Variants in ZNF207 observed in about 807,000 individuals in gnomAD.
The protein encoded by ZNF207 is BUB3-interacting and GLEBS motif-containing protein ZNF207.
Under a neutral mutation model 60.2 loss-of-function variants are expected in ZNF207, and 24 were observed. The observed-to-expected ratio is 0.40, with a 90% CI of 0.29 to 0.56. The LOEUF (loss-of-function observed/expected upper bound fraction) is 0.56, where lower values mean the gene tolerates loss of function less well. Among genes scored for constraint, ZNF207 ranks in the 20% least tolerant of loss-of-function variants. The pLI, the probability that ZNF207 is intolerant of heterozygous loss-of-function variation, is 0.49. For synonymous variants in ZNF207, 236 were observed against 194.7 expected (o/e 1.21, Z -1.77); for missense variants, 452 against 636.6 (o/e 0.71, Z 3.12).
chr17:32,368,078 T>G, intron 10 of ZNF207, 64 bp downstream of exon 10: 1 of 1,588,844 alleles, frequency 6.3e-7, no homozygotes, highest in Non-Finnish European at 8.6e-7. Flanking sequence ...AGTTCGTCCC[T>G]TTAAAATAAG....
chr17:32,356,823 C>T (rs1029069523), intron 2 of ZNF207, among the ~76,000 whole-genome samples: 2 of 152,046 alleles, frequency 1.3e-5, no homozygotes, highest in African/African-American at 2.4e-5. Flanking sequence ...ATTAGAAGCG[C>T]TTATGTAGCA....
intron 3 of ZNF207, among the ~76,000 whole-genome samples, chr17:32,358,997 A>G (rs1475420332): frequency 6.6e-6 from 1 of 151,998 alleles, no homozygotes; most frequent in East Asian, 1.9e-4. Flanking sequence ...ACGGGGTTTT[A>G]CCATGTTGGT....
Position 32,369,689 on chromosome 17 carries a change from AC to A in ZNF207, c.1417del (p.Gln473ArgfsTer11). 6.3e-7 allele frequency: 1 copy of A among 1,597,512 alleles called. No individual in the cohort carries two copies. The highest frequency in any genetic ancestry group is 8.5e-7 in the Non-Finnish European group (1 of 1,172,886). ...YGQGPPMVPP[Y>X]QGGPPRPPMG... ...CAGGGACCGCCAATGGTGCCCCCTT[AC>A]CAGGGTGGGCCTCCTCGACCTCCGA... On this transcript the variant is annotated frameshift_variant, in exon 12 of 12. Coordinates refer to ENST00000394670, the MANE Select transcript of ZNF207 (RefSeq NM_001098507.2). LOFTEE classifies it high-confidence loss of function.
chr17:32,363,013 T>G, intron 7 of ZNF207, 29 bp downstream of exon 7: 2 of 1,594,712 alleles, frequency 1.3e-6, no homozygotes, highest in East Asian at 2.2e-5. Flanking sequence ...CATTTTAATA[T>G]GATGTACAGG....
At chr17:32,360,553 T>C (rs770927962) in intron 3 of ZNF207, 45 bp from the exon 4 acceptor site, 186 of 1,523,548 alleles carry the variant, frequency 1.2e-4, no homozygotes, top group Non-Finnish European at 1.1e-4. Flanking sequence ...GTAAATAAAC[T>C]TTCTTAGTTT....
intron 9 of ZNF207, 51 bp downstream of exon 9, chr17:32,366,808 C>A (rs1298211430): frequency 1.4e-6 from 2 of 1,445,420 alleles, no homozygotes; most frequent in African/African-American, 2.9e-5. Flanking sequence ...TATAACTTAA[C>A]CCTTTGGACC....
Position 32,381,041 on chromosome 17 carries a change from A to G in ZNF207, c.*11282A>G, listed in dbSNP as rs1269991766. On this transcript the variant is annotated 3_prime_UTR_variant, in exon 12 of 12. Transcript: ENST00000394670. ...TCTATTAATAATAAAGTGATAATAA[A>G]TGAAGGTTAAAGTCAAGTGTTCAAT... 1 of 152,186 alleles carries G rather than the reference A, an allele frequency of 6.6e-6. No homozygotes were observed. The highest frequency in any genetic ancestry group is 2.4e-5 in the African/African-American group (1 of 41,446). The allele number at this position is 152,186 out of a possible 1,614,324, so 9.4% of individuals were successfully genotyped here. A position where few individuals can be genotyped will look rare whatever the true frequency, so the allele number is the denominator to read the frequency against.
intron 2 of ZNF207, among the ~76,000 whole-genome samples, chr17:32,357,700 T>C (rs565531172): frequency 6.6e-6 from 1 of 152,132 alleles, no homozygotes; most frequent in Non-Finnish European, 1.5e-5. Flanking sequence ...CTGCCCAGGC[T>C]GGAGTGCTCA....
At chr17:32,361,646 A>AATT in intron 6 of ZNF207, 131 bp downstream of exon 6, 1 of 712,870 alleles carries the variant, frequency 1.4e-6, no homozygotes. Flanking sequence ...CTTGCAAGCT[A>AATT]ATTAACACAG....
rs1905791607 is a variant in ZNF207, at chr17:32,379,239, TATA to T, written c.*9483_*9485del. The T allele has an allele frequency of 6.6e-6, 1 of 152,088 alleles. No individual in the cohort carries two copies. Among genetic ancestry groups the T allele is most frequent in the Non-Finnish European group, 1.5e-5 (1 of 67,962 alleles). The allele number at this position is 152,088 out of a possible 1,614,324, so 9.4% of individuals were successfully genotyped here. On this transcript the variant is annotated 3_prime_UTR_variant, in exon 12 of 12. Coordinates refer to ENST00000394670, the MANE Select transcript of ZNF207 (RefSeq NM_001098507.2). ...AGTACTGTTTTATACTTTTATATAT[TATA>T]ATTTTATCTTCTAAAATTAACTGAA...
intron 7 of ZNF207, among the ~76,000 whole-genome samples, chr17:32,364,305 A>G (rs1053795468): frequency 1.3e-5 from 2 of 151,872 alleles, no homozygotes; most frequent in African/African-American, 4.8e-5. Flanking sequence ...GCACAAGGAA[A>G]GGGATTTGGT....
chr17:32,360,485 G>A (rs914657214), intron 3 of ZNF207, 113 bp from the exon 4 acceptor site: 2 of 1,057,622 alleles, frequency 1.9e-6, no homozygotes, highest in Non-Finnish European at 2.7e-6. Flanking sequence ...AATTTTTGGG[G>A]AAGAAAAATC....
At chr17:32,362,437 A>G (rs570610114) in intron 6 of ZNF207, among the ~76,000 whole-genome samples, 2 of 152,356 alleles carry the variant, frequency 1.3e-5, no homozygotes, top group South Asian at 4.1e-4. Flanking sequence ...TTCTGGGATT[A>G]TAGGCATGAG....
chr17:32,357,539 G>A (rs1904615962), intron 2 of ZNF207, among the ~76,000 whole-genome samples: 1 of 151,358 alleles, frequency 6.6e-6, no homozygotes, highest in Admixed American at 6.6e-5. Flanking sequence ...AGTAGAGATG[G>A]GGTTTCACCA....
rs1257810247 is a variant in ZNF207, at chr17:32,357,334, TTATTATTATTATTATTA to T, written c.169-1167_169-1151del. 7.0e-4 allele frequency among the ~76,000 whole-genome samples: 64 copies of T among 92,042 alleles called. 1 individual carries two copies. Among genetic ancestry groups the T allele is most frequent in the African/African-American group, 1.7e-3 (38 of 22,988 alleles). The allele number at this position is 92,042 out of a possible 152,430, so 60.4% of individuals were successfully genotyped here. On this transcript the variant is annotated intron_variant, in intron 2 of 11. Coordinates refer to ENST00000394670, the MANE Select transcript of ZNF207 (RefSeq NM_001098507.2). ...CTAATTATTATTATTATTATTATTA[TTATTATTATTATTATTA>T]TTTTTTTTTTTTTTTGAGACAGAAT...
In ZNF207 at chr17:32,375,759, G is replaced by A. The variant is rs561713756; in HGVS notation, c.*6000G>A. On this transcript the variant is annotated 3_prime_UTR_variant, in exon 12 of 12. Coordinates refer to ENST00000394670, the MANE Select transcript of ZNF207 (RefSeq NM_001098507.2). ...AGGTTGTCATTATTGACCTAATATT[G>A]AGTAATCTTTCTGCGTTATTCCAAA... is the stretch of plus-strand genomic sequence containing the variant. 3 of 152,136 alleles carry A rather than the reference G, an allele frequency of 2.0e-5. No homozygotes were observed. In the South Asian group the frequency reaches 6.2e-4, roughly 32 times the overall value. The allele number at this position is 152,136 out of a possible 1,614,324, so 9.4% of individuals were successfully genotyped here.
Position 32,360,774 on chromosome 17 carries a change from T to C in ZNF207, c.475+9T>C. ...ACCAGGAATGCCTCCAGGTAGCACA[T>C]AGGATTGCTTAAAATCTAACATTTT... On this transcript the variant is annotated intron_variant, in intron 4 of 11. Coordinates refer to ENST00000394670, the MANE Select transcript of ZNF207 (RefSeq NM_001098507.2). 1.2e-6 allele frequency: 2 copies of C among 1,613,294 alleles called. No homozygotes were observed. The highest frequency in any genetic ancestry group is 8.5e-7 in the Non-Finnish European group (1 of 1,179,516).
At chr17:32,363,064 A>C in intron 7 of ZNF207, 80 bp downstream of exon 7, 1 of 1,322,300 alleles carries the variant, frequency 7.6e-7, no homozygotes, top group Non-Finnish European at 1.0e-6. Flanking sequence ...GGGCATTAGT[A>C]TAATGAAATT....
In ZNF207 at chr17:32,377,544, T is replaced by G. The variant is rs1260096029; in HGVS notation, c.*7785T>G. 4 of 152,032 alleles carry G rather than the reference T, an allele frequency of 2.6e-5. No individual in the cohort carries two copies. The highest frequency in any genetic ancestry group is 7.2e-5 in the African/African-American group (3 of 41,442). 9.4% of individuals were successfully genotyped at this position (152,032 alleles called of 1,614,324 possible). ...ATCTCTGATGTGACAAAATCAATTT[T>G]TACAAAAGTTGAATTAAAAACTTTT... is the stretch of plus-strand genomic sequence containing the variant. On this transcript the variant is annotated 3_prime_UTR_variant, in exon 12 of 12. Coordinates refer to ENST00000394670, the MANE Select transcript of ZNF207 (RefSeq NM_001098507.2).
Sources: allele counts gnomAD v4.1 joint callset (sites outside exome capture counted in the v4.1 genomes callset), GRCh38; gene constraint gnomAD v4.1.1; transcripts MANE v1.5; gene names NCBI Gene and HGNC (gene_info 2026-07-23, HGNC 2026-07-21).